TSHZ2: variants seen among roughly 807,000 people sequenced by gnomAD.
TSHZ2 encodes teashirt homolog 2.
In TSHZ2, 21 loss-of-function variants were observed where a neutral mutation model predicts 74.4. The ratio of observed to expected loss-of-function variants is 0.28; its 90% confidence interval spans 0.20 to 0.41. The LOEUF is 0.41. Among genes scored for constraint, TSHZ2 ranks in the 10% least tolerant of loss-of-function variants. The pLI, the probability that TSHZ2 is intolerant of heterozygous loss-of-function variation, is 1.00. For missense variants in TSHZ2, 1,244 were observed against 1,293.5 expected, an observed-to-expected ratio of 0.96 and a Z score of 0.59; for synonymous variants, 540 against 515.3, an observed-to-expected ratio of 1.05 and a Z score of -0.65.
intron 2 of TSHZ2, among the ~76,000 whole-genome samples, chr20:53,264,017 T>C (rs1990657983): frequency 6.6e-6 from 1 of 152,192 alleles, no homozygotes; most frequent in African/African-American, 2.4e-5. Context: ...GTCACCCTGC[T>C]CTCCTGATAT....
At chr20:53,471,215 A>AT (rs909239882) in intron 2 of TSHZ2, among the ~76,000 whole-genome samples, 38 of 151,248 alleles carry the variant, frequency 2.5e-4, no homozygotes, top group South Asian at 1.3e-3. Flanking sequence ...AGGTACATCT[A>AT]TTTTTTTTTC....
At chr20:53,013,731 G>C (rs539855897) in intron 1 of TSHZ2, among the ~76,000 whole-genome samples, 1 of 151,408 alleles carries the variant, frequency 6.6e-6, no homozygotes, top group African/African-American at 2.4e-5. Context: ...AGTAAGTGGC[G>C]CTAAGCAAAG....
chr20:53,030,459 A>T (rs1359838897), intron 1 of TSHZ2, among the ~76,000 whole-genome samples: 1 of 152,212 alleles, frequency 6.6e-6, no homozygotes, highest in Non-Finnish European at 1.5e-5. Flanking sequence ...GATCAAGCAC[A>T]TCATGGTCAG....
chr20:53,171,936 G>A (rs1037835782), intron 1 of TSHZ2, among the ~76,000 whole-genome samples: 1 of 152,106 alleles, frequency 6.6e-6, no homozygotes, highest in Non-Finnish European at 1.5e-5. Context: ...TATAGGTAGA[G>A]TAATAAGTCA....
chr20:53,324,903 G>A (rs1159902293), intron 2 of TSHZ2, among the ~76,000 whole-genome samples: 1 of 152,186 alleles, frequency 6.6e-6, no homozygotes, highest in East Asian at 1.9e-4. Context: ...AACAAAATTG[G>A]CTAGTTATAT....
chr20:53,309,005 C>T (rs748775918), intron 2 of TSHZ2, among the ~76,000 whole-genome samples: 3 of 152,168 alleles, frequency 2.0e-5, no homozygotes, highest in Non-Finnish European at 2.9e-5. Flanking sequence ...AGACTGAAGG[C>T]CATTCAGGTT....
chr20:53,072,025 A>G (rs1028406676), intron 1 of TSHZ2, among the ~76,000 whole-genome samples: 1 of 152,152 alleles, frequency 6.6e-6, no homozygotes, highest in Non-Finnish European at 1.5e-5. Flanking sequence ...GATGCTGCTA[A>G]ACATCCCGTA....
chr20:53,489,263 T>A lies in TSHZ2; in HGVS notation c.*2128T>A. 2.2e-6 allele frequency: 1 copy of A among 447,740 alleles called. No individual in the cohort carries two copies. The highest frequency in any genetic ancestry group is 1.6e-5 in the South Asian group (1 of 63,090). The allele number at this position is 447,740 out of a possible 1,614,324, so 27.7% of individuals were successfully genotyped here. A position where few individuals can be genotyped will look rare whatever the true frequency, so the allele number is the denominator to read the frequency against. On this transcript the variant is annotated 3_prime_UTR_variant, in exon 3 of 3. Coordinates refer to ENST00000371497, the MANE Select transcript of TSHZ2 (RefSeq NM_173485.6). ...GGATCATAAAGTGAATTGAGAACAG[T>A]GAGGTCTGTCTTTGCTTAACCTATT...
chr20:53,386,465 G>A (rs1379927594), intron 2 of TSHZ2, among the ~76,000 whole-genome samples: 1 of 152,194 alleles, frequency 6.6e-6, no homozygotes, highest in Admixed American at 6.5e-5. Context: ...TCAGTTGAAA[G>A]TATGTTGTGA....
In TSHZ2 at chr20:53,103,499, G is replaced by A. The variant is rs186284616; in HGVS notation, c.40+130166G>A. 8.4e-3 allele frequency among the ~76,000 whole-genome samples: 1,285 copies of A among 152,290 alleles called. 10 individuals carry two copies. Among genetic ancestry groups the A allele is most frequent in the Non-Finnish European group, 0.014 (956 of 68,018 alleles). On this transcript the variant is annotated intron_variant, in intron 1 of 2. Transcript: ENST00000371497. ...AAAACTAGAAGAAATTGTTTGGGGG[G>A]AAATATTTTGTCTAATTTGTAGGGA...
chr20:53,258,598 CG>C, intron 2 of TSHZ2, among the ~76,000 whole-genome samples: 1 of 152,234 alleles, frequency 6.6e-6, no homozygotes, highest in Admixed American at 6.5e-5. Context: ...CTTGATCCAT[CG>C]TCAGTCAGAA....
chr20:53,275,700 G>A (rs2145425703), intron 2 of TSHZ2, among the ~76,000 whole-genome samples: 1 of 152,296 alleles, frequency 6.6e-6, no homozygotes, highest in South Asian at 2.1e-4. Flanking sequence ...GGCCAAGGTG[G>A]ATGGATCACC....
intron 1 of TSHZ2, among the ~76,000 whole-genome samples, chr20:53,237,166 T>C (rs1989960121): frequency 6.6e-6 from 1 of 152,184 alleles, no homozygotes; most frequent in Non-Finnish European, 1.5e-5. Flanking sequence ...TAGGATATTG[T>C]AGATATAGAA....
intron 1 of TSHZ2, among the ~76,000 whole-genome samples, chr20:53,022,751 T>C (rs1252610661): frequency 6.6e-6 from 1 of 152,228 alleles, no homozygotes; most frequent in Non-Finnish European, 1.5e-5. Context: ...TAATTGTACA[T>C]ACATCTAACA....
chr20:53,241,066 G>T (rs1223538638), intron 1 of TSHZ2, among the ~76,000 whole-genome samples: 1 of 152,078 alleles, frequency 6.6e-6, no homozygotes, highest in East Asian at 1.9e-4. Context: ...GTGACCTAAA[G>T]CCTCTTCCTA....
At chr20:52,982,531 T>C (rs1031702848) in intron 1 of TSHZ2, among the ~76,000 whole-genome samples, 3 of 152,228 alleles carry the variant, frequency 2.0e-5, no homozygotes, top group Non-Finnish European at 2.9e-5. Context: ...CGTACATGCA[T>C]TCATTTGTTC....
intron 1 of TSHZ2, among the ~76,000 whole-genome samples, chr20:53,080,424 A>C (rs1377759052): frequency 6.6e-6 from 1 of 152,218 alleles, no homozygotes; most frequent in Non-Finnish European, 1.5e-5. Context: ...AAATGCATTG[A>C]ATCCTCTATT....
intron 1 of TSHZ2, among the ~76,000 whole-genome samples, chr20:52,991,189 C>A (rs932863907): frequency 2.1e-5 from 3 of 143,598 alleles, no homozygotes; most frequent in Middle Eastern, 3.7e-3. Flanking sequence ...AGTGTGAAAG[C>A]TTTTCTGATG....
chr20:53,103,988 GATA>G (rs1258919287), intron 1 of TSHZ2, among the ~76,000 whole-genome samples: 1 of 152,166 alleles, frequency 6.6e-6, no homozygotes, highest in Non-Finnish European at 1.5e-5. Flanking sequence ...TGACTTCAGT[GATA>G]ATAAGAGAGA....
Sources: allele counts gnomAD v4.1 joint callset (sites outside exome capture counted in the v4.1 genomes callset), GRCh38; gene constraint gnomAD v4.1.1; transcripts MANE v1.5; gene names NCBI Gene and HGNC (gene_info 2026-07-23, HGNC 2026-07-21).